Variants in SPIRE1 observed in about 807,000 individuals in gnomAD.
The protein encoded by SPIRE1 is protein spire homolog 1.
In SPIRE1, 40 loss-of-function variants were observed where a neutral mutation model predicts 94.1. The ratio of observed to expected loss-of-function variants is 0.43; its 90% CI spans 0.33 to 0.55. The LOEUF is 0.55. SPIRE1 is among the 20% of genes least tolerant of loss of function. The probability of loss-of-function intolerance (pLI) is 0.06; values close to 1 mark genes in which losing one functional copy is unlikely to be tolerated. For synonymous variants in SPIRE1, 376 were observed against 371.7 expected (o/e 1.01, Z -0.13); for missense variants, 838 against 975.2 (o/e 0.86, Z 1.87).
chr18:12,574,675 T>C (rs2036046811), intron 2 of SPIRE1, among the ~76,000 whole-genome samples: 1 of 152,152 alleles, frequency 6.6e-6, no homozygotes, highest in South Asian at 2.1e-4. Flanking sequence ...GGCATGTCAT[T>C]GGTTACTGAA....
At chr18:12,642,517 ATTATCTT>A (rs1428114863) in intron 1 of SPIRE1, among the ~76,000 whole-genome samples, 2 of 152,122 alleles carry the variant, frequency 1.3e-5, no homozygotes, top group African/African-American at 2.4e-5. Flanking sequence ...AAATTTGGAT[ATTATCTT>A]TTATCTATTT....
chr18:12,538,251 CA>C (rs1484887555), intron 3 of SPIRE1, among the ~76,000 whole-genome samples: 2 of 152,062 alleles, frequency 1.3e-5, no homozygotes, highest in East Asian at 3.9e-4. Context: ...GCATGGTATA[CA>C]GTAAGCATGC....
At chr18:12,642,085 G>A (rs575722796) in intron 1 of SPIRE1, among the ~76,000 whole-genome samples, 21 of 152,052 alleles carry the variant, frequency 1.4e-4, no homozygotes, top group East Asian at 3.9e-4. Context: ...CCGCCTCAGC[G>A]TGAATGTTAT....
intron 3 of SPIRE1, among the ~76,000 whole-genome samples, chr18:12,540,383 C>CT (rs960930926): frequency 2.0e-5 from 3 of 151,438 alleles, no homozygotes; most frequent in Non-Finnish European, 3.0e-5. Flanking sequence ...TTCTCTGTTA[C>CT]TTTTTTTTTG....
chr18:12,646,563 A>G (rs2038231817), intron 1 of SPIRE1, among the ~76,000 whole-genome samples: 1 of 152,186 alleles, frequency 6.6e-6, no homozygotes, highest in Non-Finnish European at 1.5e-5. Flanking sequence ...CCCTGGGACC[A>G]GGCAACCTAT....
rs533809118 is a variant in SPIRE1, at chr18:12,611,872, C to A, written c.372+23190G>T. Among the ~76,000 whole-genome samples the A allele has an allele frequency of 5.4e-4, 82 of 151,618 alleles. 1 individual carries two copies. The highest frequency in any genetic ancestry group is 2.0e-3 in the African/African-American group (81 of 41,326). ...GTATTTTAGTAGAGAAGAAGTCTCA[C>A]TATGTTGGCCAGGCTGGTCTCAAAC... On this transcript the variant is annotated intron_variant, in intron 2 of 16. Transcript: ENST00000409402.
chr18:12,503,442 C>T (rs183590134), intron 6 of SPIRE1, among the ~76,000 whole-genome samples: 7 of 152,290 alleles, frequency 4.6e-5, no homozygotes, highest in Admixed American at 3.9e-4. Flanking sequence ...CCAGATTCCT[C>T]TACTCATCCT....
At chr18:12,634,990 T>A in intron 2 of SPIRE1, 72 bp downstream of exon 2, 1 of 796,516 alleles carries the variant, frequency 1.3e-6, no homozygotes. Context: ...AGTGAGATAG[T>A]TCAGTACTCA....
At chr18:12,577,369 G>A (rs531664848) in intron 2 of SPIRE1, among the ~76,000 whole-genome samples, 84 of 152,070 alleles carry the variant, frequency 5.5e-4, no homozygotes, top group African/African-American at 2.0e-3. Flanking sequence ...GAATGGTCTC[G>A]ATCTCTTGAC....
intron 8 of SPIRE1, among the ~76,000 whole-genome samples, chr18:12,486,815 A>T (rs1373939641): frequency 6.6e-6 from 1 of 152,230 alleles, no homozygotes; most frequent in African/African-American, 2.4e-5. Flanking sequence ...TGATCCAAAA[A>T]TATCAAATGA....
At chr18:12,562,292 T>C (rs1302002890) in intron 2 of SPIRE1, among the ~76,000 whole-genome samples, 1 of 152,072 alleles carries the variant, frequency 6.6e-6, no homozygotes, top group Non-Finnish European at 1.5e-5. Context: ...TTTGTTTTGT[T>C]TTCTGTTTCT....
rs192064663 is a variant in SPIRE1, at chr18:12,540,947, T to C, written c.604-5346A>G. On this transcript the variant is annotated intron_variant, in intron 3 of 16. Transcript: ENST00000409402. ...GAATCACCCCTTTGTGCAGCATATTTGCTCTCAGCCTCAAGCGATCTACCT... is the reference window on the plus strand; with the variant it reads ...GAATCACCCCTTTGTGCAGCATATTCGCTCTCAGCCTCAAGCGATCTACCT... Among the ~76,000 whole-genome samples, 3 of 152,286 alleles carry C rather than the reference T, an allele frequency of 2.0e-5. No homozygotes were observed. The East Asian group carries it at 5.8e-4, about 29-fold the overall frequency.
chr18:12,461,447 CAT>C (rs917274525), intron 12 of SPIRE1, among the ~76,000 whole-genome samples: 5 of 136,678 alleles, frequency 3.7e-5, no homozygotes, highest in East Asian at 2.0e-4. Context: ...TATATACATA[CAT>C]GTGTGTATGT....
intron 2 of SPIRE1, among the ~76,000 whole-genome samples, chr18:12,597,157 T>TACACACACACAC (rs58238813): frequency 2.8e-3 from 401 of 144,182 alleles, no homozygotes; most frequent in Admixed American, 7.5e-3. Context: ...TGTCTCTTTC[T>TACACACACACAC]ACACACACAC....
intron 1 of SPIRE1, among the ~76,000 whole-genome samples, chr18:12,644,184 G>A (rs2038161071): frequency 7.5e-6 from 1 of 133,726 alleles, no homozygotes; most frequent in Non-Finnish European, 1.6e-5. Context: ...AGGTGACAGA[G>A]GGAAACTCCA....
chr18:12,542,991 T>C (rs1012228568), intron 3 of SPIRE1, among the ~76,000 whole-genome samples: 3 of 152,120 alleles, frequency 2.0e-5, no homozygotes, highest in Non-Finnish European at 4.4e-5. Context: ...CATGCCCAGC[T>C]AATTTTTTGT....
At chr18:12,510,417 C>A (rs1460028862) in intron 5 of SPIRE1, among the ~76,000 whole-genome samples, 1 of 151,964 alleles carries the variant, frequency 6.6e-6, no homozygotes, top group East Asian at 1.9e-4. Flanking sequence ...AATAATGTGA[C>A]AATTAAAACC....
chr18:12,563,201 C>A (rs1204241158), intron 2 of SPIRE1, among the ~76,000 whole-genome samples: 2 of 144,700 alleles, frequency 1.4e-5, no homozygotes, highest in African/African-American at 5.4e-5. Flanking sequence ...CTGTTCTATA[C>A]TCATTAAAAA....
At chr18:12,655,126 T>C (rs1439119914) in intron 1 of SPIRE1, among the ~76,000 whole-genome samples, 2 of 151,804 alleles carry the variant, frequency 1.3e-5, no homozygotes, top group African/African-American at 4.8e-5. Context: ...GCCAAGGCAG[T>C]TGGATCACTT....
Sources: gnomAD v4.1 joint callset for allele counts (sites outside exome capture counted in the v4.1 genomes callset) on GRCh38, gnomAD v4.1.1 for gene constraint, MANE v1.5 for transcripts, NCBI Gene and HGNC (gene_info 2026-07-23, HGNC 2026-07-21) for gene names.